NTM: variants seen among roughly 807,000 people sequenced by gnomAD.
NTM encodes the protein neurotrimin, also known as IgLON family member 2.
Under a neutral mutation model 42.1 loss-of-function variants are expected in NTM, and 13 were observed. The ratio of observed to expected loss-of-function variants is 0.31; its 90% CI spans 0.20 to 0.49. The LOEUF is 0.49. Among genes scored for constraint, NTM ranks in the 20% least tolerant of loss-of-function variants. The pLI is 0.99. For missense variants in NTM, 373 were observed against 452.8 expected (o/e 0.82, Z 1.60); for synonymous variants, 187 against 179.2 (o/e 1.04, Z -0.35).
intron 1 of NTM, among the ~76,000 whole-genome samples, chr11:131,901,489 G>A (rs1020165251): frequency 1.2e-4 from 19 of 152,084 alleles, no homozygotes; most frequent in African/African-American, 4.6e-4. Context: ...GCAAACTTGG[G>A]AGAGTTCTCT....
At chr11:131,747,982 C>T (rs919446280) in intron 1 of NTM, among the ~76,000 whole-genome samples, 8 of 152,188 alleles carry the variant, frequency 5.3e-5, no homozygotes, top group Non-Finnish European at 7.3e-5. Flanking sequence ...ATAGCACCTG[C>T]CATTGTGCAT....
intron 3 of NTM, among the ~76,000 whole-genome samples, chr11:132,209,367 C>T (rs1310719257): frequency 6.6e-6 from 1 of 152,184 alleles, no homozygotes; most frequent in African/African-American, 2.4e-5. Context: ...ATTTCTGTCC[C>T]ACCAAATGCT....
intron 3 of NTM, among the ~76,000 whole-genome samples, chr11:132,186,688 T>G (rs898485439): frequency 6.6e-6 from 1 of 152,238 alleles, no homozygotes; most frequent in African/African-American, 2.4e-5. Context: ...TCATGGAGGT[T>G]GTCTTATTTG....
chr11:132,221,831 C>A (rs949275247), intron 4 of NTM, among the ~76,000 whole-genome samples: 1 of 152,108 alleles, frequency 6.6e-6, no homozygotes, highest in Non-Finnish European at 1.5e-5. Context: ...AAGGAATTTG[C>A]CCACAAATAC....
chr11:131,548,261 G>A (rs1208219916), intron 1 of NTM, among the ~76,000 whole-genome samples: 2 of 151,816 alleles, frequency 1.3e-5, no homozygotes, highest in East Asian at 1.9e-4. Flanking sequence ...AGCATGTTTT[G>A]CCTCCACCAC....
chr11:131,972,096 C>CTAGCTA (rs1344219569), intron 2 of NTM, among the ~76,000 whole-genome samples: 1 of 147,502 alleles, frequency 6.8e-6, no homozygotes, highest in Non-Finnish European at 1.5e-5. Context: ...AACTGTAGTC[C>CTAGCTA]TAGCTACTTG....
chr11:131,777,621 C>T (rs1268599991), intron 1 of NTM, among the ~76,000 whole-genome samples: 2 of 151,852 alleles, frequency 1.3e-5, no homozygotes, highest in Non-Finnish European at 2.9e-5. Flanking sequence ...AAAATTTTAC[C>T]CTCATTTTTT....
intron 7 of NTM, among the ~76,000 whole-genome samples, chr11:132,320,327 C>T (rs931115831): frequency 1.3e-5 from 2 of 152,310 alleles, no homozygotes; most frequent in Admixed American, 1.3e-4. Context: ...ACGCACCATG[C>T]GCGAGCCAAA....
At chr11:131,694,672 C>CCGAAGGA (rs1487071941) in intron 1 of NTM, among the ~76,000 whole-genome samples, 3 of 152,120 alleles carry the variant, frequency 2.0e-5, no homozygotes, top group Non-Finnish European at 4.4e-5. Context: ...GGCAGTACCT[C>CCGAAGGA]CGAAGGACGG....
intron 2 of NTM, among the ~76,000 whole-genome samples, chr11:132,037,466 G>T (rs1026346950): frequency 1.3e-5 from 2 of 152,144 alleles, no homozygotes; most frequent in Non-Finnish European, 2.9e-5. Context: ...CTGGACAATA[G>T]TCAAATAGGC....
At chr11:132,300,355 A>C (rs1281280851) in intron 4 of NTM, among the ~76,000 whole-genome samples, 1 of 152,238 alleles carries the variant, frequency 6.6e-6, no homozygotes, top group East Asian at 1.9e-4. Context: ...GCTCACAATA[A>C]TACTATAAGG....
intron 8 of NTM, among the ~76,000 whole-genome samples, chr11:132,332,974 C>A (rs954401161): frequency 6.6e-6 from 1 of 151,934 alleles, no homozygotes; most frequent in Non-Finnish European, 1.5e-5. Context: ...TGGGAGTGTG[C>A]GGGAATTGAA....
intron 1 of NTM, among the ~76,000 whole-genome samples, chr11:131,869,421 G>A (rs755202862): frequency 9.2e-5 from 14 of 152,218 alleles, no homozygotes; most frequent in Non-Finnish European, 2.1e-4. Context: ...CGGGGTAGAT[G>A]TGGAAGCAAT....
intron 2 of NTM, among the ~76,000 whole-genome samples, chr11:131,974,536 T>A (rs532087132): frequency 1.3e-5 from 2 of 152,294 alleles, no homozygotes; most frequent in Admixed American, 6.5e-5. Flanking sequence ...GCATCTTCTG[T>A]GAGCATAGCA....
intron 2 of NTM, among the ~76,000 whole-genome samples, chr11:132,012,622 G>A (rs1227873255): frequency 1.3e-5 from 2 of 152,138 alleles, no homozygotes; most frequent in African/African-American, 4.8e-5. Flanking sequence ...GCCAAAAATT[G>A]TAGCACATTT....
chr11:132,298,659 G>A (rs1406192077), intron 4 of NTM, among the ~76,000 whole-genome samples: 3 of 152,176 alleles, frequency 2.0e-5, no homozygotes, highest in African/African-American at 7.2e-5. Context: ...TACACTTTAA[G>A]TTGAAGCTTC....
chr11:131,730,811 C>G (rs78857854), intron 1 of NTM, among the ~76,000 whole-genome samples: 2,558 of 151,860 alleles, frequency 0.017, 76 homozygotes, highest in African/African-American at 0.059. Context: ...GAGCAAAATT[C>G]GGATTTCAAG....
chr11:131,485,735 G>C (rs1156283211), intron 1 of NTM, among the ~76,000 whole-genome samples: 1 of 152,182 alleles, frequency 6.6e-6, no homozygotes, highest in Non-Finnish European at 1.5e-5. Context: ...TCCCGAATGG[G>C]AAACTGGGAC....
At chr11:131,569,124 T>G (rs2057189667) in intron 1 of NTM, among the ~76,000 whole-genome samples, 2 of 151,596 alleles carry the variant, frequency 1.3e-5, no homozygotes, top group African/African-American at 4.9e-5. Flanking sequence ...TTCTTTTTAT[T>G]GCTGTTTTTG....
Sources: allele counts gnomAD v4.1 joint callset (sites outside exome capture counted in the v4.1 genomes callset), GRCh38; gene constraint gnomAD v4.1.1; transcripts MANE v1.5; gene names NCBI Gene and HGNC (gene_info 2026-07-23, HGNC 2026-07-21).